RNF180: variants seen among roughly 807,000 people sequenced by gnomAD.
RNF180 encodes the protein E3 ubiquitin-protein ligase RNF180.
In RNF180, 38 loss-of-function variants were observed where a neutral mutation model predicts 59.2. The observed-to-expected ratio is 0.64, with a 90% CI of 0.50 to 0.84. RNF180 has a LOEUF of 0.84. RNF180 is among the 40% of genes least tolerant of loss of function. The probability of loss-of-function intolerance (pLI) is 0.00; values close to 1 mark genes in which losing one functional copy is unlikely to be tolerated. For synonymous variants in RNF180, 262 were observed against 240.3 expected (o/e 1.09, Z -0.84); for missense variants, 705 against 700.9 (o/e 1.01, Z -0.07).
intron 7 of RNF180, among the ~76,000 whole-genome samples, chr5:64,337,642 G>A (rs892846223): frequency 2.0e-5 from 3 of 151,094 alleles, no homozygotes; most frequent in Non-Finnish European, 4.4e-5. Context: ...ATCTCTTAAT[G>A]CTATCCCTCC....
In RNF180 at chr5:64,372,137, C is replaced by G. The variant is rs1746677780; in HGVS notation, c.*2323C>G. 1 of 151,546 alleles carries G rather than the reference C, an allele frequency of 6.6e-6. No individual in the cohort carries two copies. The highest frequency in any genetic ancestry group is 1.9e-4 in the East Asian group (1 of 5,168). 9.4% of individuals were successfully genotyped at this position (151,546 alleles called of 1,614,324 possible). A position where few individuals can be genotyped will look rare whatever the true frequency, so the allele number is the denominator to read the frequency against. ...CATTATCAATAATTTCTATTTCTAC[C>G]AAGCTTAATTATGGTAAAGGTTAAT... is the stretch of plus-strand genomic sequence containing the variant. On this transcript the variant is annotated 3_prime_UTR_variant, in exon 8 of 8. Transcript: ENST00000389100.
intron 5 of RNF180, among the ~76,000 whole-genome samples, chr5:64,258,931 T>G (rs1744153571): frequency 6.6e-6 from 1 of 152,144 alleles, no homozygotes; most frequent in Non-Finnish European, 1.5e-5. Context: ...GTAGGTTGTT[T>G]GAACTTGAAA....
intron 7 of RNF180, among the ~76,000 whole-genome samples, chr5:64,360,625 G>A (rs1236904612): frequency 6.6e-6 from 1 of 151,700 alleles, no homozygotes; most frequent in Non-Finnish European, 1.5e-5. Context: ...CTATTTTTAT[G>A]CAAACTGTTT....
chr5:64,233,701 A>G (rs1051953301), intron 5 of RNF180, among the ~76,000 whole-genome samples: 1 of 152,198 alleles, frequency 6.6e-6, no homozygotes, highest in African/African-American at 2.4e-5. Context: ...TTATTCCTTT[A>G]CGGCCCTAAC....
intron 5 of RNF180, among the ~76,000 whole-genome samples, chr5:64,274,978 G>GT (rs1174240428): frequency 3.3e-5 from 5 of 151,868 alleles, no homozygotes; most frequent in African/African-American, 1.2e-4. Context: ...AAAATATATG[G>GT]TTTGATGACT....
At chr5:64,259,453 A>G (rs1262210371) in intron 5 of RNF180, among the ~76,000 whole-genome samples, 1 of 152,152 alleles carries the variant, frequency 6.6e-6, no homozygotes, top group East Asian at 1.9e-4. Context: ...TGATCCTGGG[A>G]AAACTAGTCA....
At chr5:64,344,860 TGA>T (rs1463015130) in intron 7 of RNF180, among the ~76,000 whole-genome samples, 1 of 151,970 alleles carries the variant, frequency 6.6e-6, no homozygotes, top group East Asian at 1.9e-4. Flanking sequence ...ATAAATGGAC[TGA>T]GACTTCCAGT....
chr5:64,364,568 A>C (rs536564785), intron 7 of RNF180, among the ~76,000 whole-genome samples: 1 of 151,890 alleles, frequency 6.6e-6, no homozygotes, highest in South Asian at 2.1e-4. Flanking sequence ...AGGCTTTGCT[A>C]TCAGGATGAT....
In RNF180 at chr5:64,320,298, C is replaced by G. The variant is rs185518958; in HGVS notation, c.1228-4888C>G. Among the ~76,000 whole-genome samples, 45 of 152,244 alleles carry G rather than the reference C, an allele frequency of 3.0e-4. No homozygotes were observed. In the Middle Eastern group the frequency reaches 0.014, roughly 46 times the overall value. ...CTGACAACACCATGGGAACTCCTTC[C>G]TAAATTCAAGGACATGCCTGGTTCT... On this transcript the variant is annotated intron_variant, in intron 5 of 7. Transcript: ENST00000389100.
intron 7 of RNF180, among the ~76,000 whole-genome samples, chr5:64,343,931 A>G (rs1745456366): frequency 6.6e-6 from 1 of 151,460 alleles, no homozygotes. Context: ...AAATGTCTTT[A>G]TTTCACCTTC....
intron 5 of RNF180, among the ~76,000 whole-genome samples, chr5:64,301,300 A>G (rs80324418): frequency 6.6e-6 from 1 of 151,690 alleles, no homozygotes; most frequent in Admixed American, 6.6e-5. Context: ...TTTAATCCTC[A>G]TAGTCATTAT....
chr5:64,216,579 T>C (rs1367410304), intron 4 of RNF180, among the ~76,000 whole-genome samples: 2 of 152,246 alleles, frequency 1.3e-5, no homozygotes, highest in Non-Finnish European at 2.9e-5. Context: ...AAGTTTTTAA[T>C]AAATGTTTGT....
chr5:64,346,482 G>C (rs1745567332), intron 7 of RNF180, among the ~76,000 whole-genome samples: 2 of 143,784 alleles, frequency 1.4e-5, no homozygotes, highest in South Asian at 4.4e-4. Flanking sequence ...TAATTCTCCT[G>C]CCTCAGGCTC....
At chr5:64,246,791 TGACA>T (rs1743198736) in intron 5 of RNF180, among the ~76,000 whole-genome samples, 1 of 152,098 alleles carries the variant, frequency 6.6e-6, no homozygotes, top group African/African-American at 2.4e-5. Context: ...TATCAAAACC[TGACA>T]GACACACAAG....
intron 5 of RNF180, among the ~76,000 whole-genome samples, chr5:64,244,820 C>A (rs537523363): frequency 1.3e-5 from 2 of 152,150 alleles, no homozygotes; most frequent in East Asian, 1.9e-4. Context: ...AAGGAAAAAA[C>A]GTTAAGGGCA....
intron 5 of RNF180, among the ~76,000 whole-genome samples, chr5:64,252,155 C>T (rs1381628540): frequency 6.6e-6 from 1 of 152,004 alleles, no homozygotes; most frequent in African/African-American, 2.4e-5. Context: ...CAACCAAAAC[C>T]ACATAGTACT....
At chr5:64,196,853 T>G (rs1202889142) in intron 1 of RNF180, among the ~76,000 whole-genome samples, 3 of 152,162 alleles carry the variant, frequency 2.0e-5, no homozygotes, top group African/African-American at 7.2e-5. Flanking sequence ...CTTAAAAGAT[T>G]GGTAAAATTT....
At chr5:64,193,303 A>G (rs1189556057) in intron 1 of RNF180, among the ~76,000 whole-genome samples, 1 of 152,136 alleles carries the variant, frequency 6.6e-6, no homozygotes, top group African/African-American at 2.4e-5. Flanking sequence ...ACCAAAACCA[A>G]ACCCTACAAA....
At chr5:64,347,570 T>A (rs141341734) in intron 7 of RNF180, among the ~76,000 whole-genome samples, 30 of 152,262 alleles carry the variant, frequency 2.0e-4, no homozygotes, top group African/African-American at 6.5e-4. Flanking sequence ...GCATTTTTCA[T>A]TGTTGCAGTG....
Sources: allele counts gnomAD v4.1 joint callset (sites outside exome capture counted in the v4.1 genomes callset), GRCh38; gene constraint gnomAD v4.1.1; transcripts MANE v1.5; gene names NCBI Gene and HGNC (gene_info 2026-07-23, HGNC 2026-07-21).